HACL2: variants seen among roughly 807,000 people sequenced by gnomAD.
The protein encoded by HACL2 is 2-hydroxyacyl-CoA lyase 2.
At chr19:15,115,921 C>T in the HACL2 span, 2 of 1,614,154 alleles carry the variant, frequency 1.2e-6, no homozygotes, top group Non-Finnish European at 1.7e-6. Context: ...AGGCACCAGA[C>T]CTAGTCGGGA....
the HACL2 span, chr19:15,125,037 G>C: frequency 6.4e-7 from 1 of 1,558,512 alleles, no homozygotes; most frequent in East Asian, 2.4e-5. Context: ...CCCAGCGGGG[G>C]CGGCGGCCGC....
the HACL2 span, among the ~76,000 whole-genome samples, chr19:15,121,405 G>A: frequency 5.9e-5 from 9 of 152,084 alleles, no homozygotes; most frequent in South Asian, 2.1e-4. Context: ...CATGGCTGCC[G>A]CTCGCTAAAT....
At chr19:15,121,054 G>T in the HACL2 span, among the ~76,000 whole-genome samples, 1 of 152,148 alleles carries the variant, frequency 6.6e-6, no homozygotes, top group Admixed American at 6.5e-5. Flanking sequence ...AGTGCATTAA[G>T]AATGAGGCTA....
the HACL2 span, chr19:15,116,361 G>C: frequency 1.2e-6 from 2 of 1,613,816 alleles, no homozygotes; most frequent in South Asian, 2.2e-5. Flanking sequence ...TTGGCAGCAG[G>C]GTCTGCCGGG....
the HACL2 span, chr19:15,117,264 G>A: frequency 6.5e-6 from 1 of 153,318 alleles, no homozygotes; most frequent in Non-Finnish European, 1.5e-5. Flanking sequence ...GACAGGCTAA[G>A]GGGCCAACGA....
At chr19:15,119,225 A>G in the HACL2 span, 1 of 1,608,370 alleles carries the variant, frequency 6.2e-7, no homozygotes, top group Non-Finnish European at 8.5e-7. Flanking sequence ...CCGGATGTGG[A>G]GGGGGTGGTT....
the HACL2 span, chr19:15,123,178 T>C: frequency 6.2e-7 from 1 of 1,613,932 alleles, no homozygotes; most frequent in Non-Finnish European, 8.5e-7. The surrounding 1 kb of genome is among the most constrained non-coding windows in gnomAD (Gnocchi z 5.1). Context: ...ATCTGAGCAT[T>C]CTTCACCGCA....
At chr19:15,117,774 G>A in the HACL2 span, 1 of 1,314,858 alleles carries the variant, frequency 7.6e-7, no homozygotes, top group Non-Finnish European at 1.1e-6. Context: ...CCTAGGGCAA[G>A]GTCTGGGCCT....
chr19:15,115,645 A>G, the HACL2 span: 1 of 1,613,924 alleles, frequency 6.2e-7, no homozygotes, highest in East Asian at 2.2e-5. Flanking sequence ...AGCCAGCATC[A>G]TTCCCTACCA....
the HACL2 span, among the ~76,000 whole-genome samples, chr19:15,122,383 G>A: frequency 6.6e-6 from 1 of 152,082 alleles, no homozygotes; most frequent in Admixed American, 6.6e-5. The surrounding 1 kb of genome is among the most constrained non-coding windows in gnomAD (Gnocchi z 4.0). Context: ...AGAAGAGGAA[G>A]GAAGAGGGAG....
the HACL2 span, chr19:15,123,355 C>A: frequency 2.5e-6 from 4 of 1,610,718 alleles, no homozygotes; most frequent in Non-Finnish European, 3.4e-6. The surrounding 1 kb of genome is among the most constrained non-coding windows in gnomAD (Gnocchi z 5.1). Context: ...AGTCCCCAGC[C>A]CTCTCTGCAA....
At chr19:15,117,829 G>A in the HACL2 span, 1 of 1,604,536 alleles carries the variant, frequency 6.2e-7, no homozygotes, top group Non-Finnish European at 8.5e-7. Context: ...GAAACCAGGA[G>A]GAGAGGGACT....
the HACL2 span, chr19:15,122,892 C>A: frequency 6.2e-7 from 1 of 1,611,112 alleles, no homozygotes; most frequent in Non-Finnish European, 8.5e-7. This position sits in a 1 kb window ranked among gnomAD's most constrained non-coding sequence, Gnocchi z 4.0. Flanking sequence ...CTCCACCTAC[C>A]TGGGGTGCCC....
chr19:15,124,948 G>T, the HACL2 span: 14 of 1,607,760 alleles, frequency 8.7e-6, no homozygotes, highest in Non-Finnish European at 1.2e-5. Flanking sequence ...TGATAGAAGA[G>T]CCCCAGGCGG....
At chr19:15,121,832 G>T in the HACL2 span, among the ~76,000 whole-genome samples, 1 of 146,208 alleles carries the variant, frequency 6.8e-6, no homozygotes, top group Non-Finnish European at 1.5e-5. Flanking sequence ...AAAAAAGAAA[G>T]AAAAGGACAA....
At chr19:15,123,733 A>T in the HACL2 span, 4 of 619,140 alleles carry the variant, frequency 6.5e-6, no homozygotes, top group South Asian at 5.8e-5. This position sits in a 1 kb window ranked among gnomAD's most constrained non-coding sequence, Gnocchi z 5.1. Context: ...ACTACATGCC[A>T]GGCTCAAACC....
At chr19:15,116,917 C>T in the HACL2 span, 1 of 206,186 alleles carries the variant, frequency 4.8e-6, no homozygotes, top group East Asian at 1.6e-4. Context: ...TAACAAACAG[C>T]CCCGTGATGT....
chr19:15,115,258 A>G, the HACL2 span: 1 of 1,614,126 alleles, frequency 6.2e-7, no homozygotes, highest in Admixed American at 1.7e-5. Flanking sequence ...GGCCCTATAC[A>G]GCAATGGAGC....
At chr19:15,125,392 G>A in the HACL2 span, 2 of 282,498 alleles carry the variant, frequency 7.1e-6, no homozygotes. Context: ...ACTTGTCAAT[G>A]GACAGGCGGA....
Sources: gnomAD v4.1 joint callset for allele counts (sites outside exome capture counted in the v4.1 genomes callset) on GRCh38, gnomAD v4.1.1 for gene constraint, Gnocchi (gnomAD v3.1) non-coding constraint, MANE v1.5 for transcripts, NCBI Gene and HGNC (gene_info 2026-07-23, HGNC 2026-07-21) for gene names.